OPRM1: variants seen among roughly 807,000 people sequenced by gnomAD.
OPRM1 encodes the protein mu-type opioid receptor.
OPRM1 carries 27 observed loss-of-function variants against 31.8 expected under a neutral mutation model. That is an observed-to-expected ratio of 0.85 (90% CI 0.63 to 1.17). The LOEUF is 1.17. OPRM1 is among the 50% of genes most tolerant of loss of function. OPRM1 has a pLI of 0.00. For missense variants in OPRM1, 536 were observed against 511.1 expected, an observed-to-expected ratio of 1.05 and a Z score of -0.47; for synonymous variants, 196 against 189.9, an observed-to-expected ratio of 1.03 and a Z score of -0.26.
At chr6:154,143,612 C>G (rs1798277738) in intron 3 of OPRM1, among the ~76,000 whole-genome samples, 1 of 152,104 alleles carries the variant, frequency 6.6e-6, no homozygotes, top group African/African-American at 2.4e-5. Flanking sequence ...CTCCAAAAGT[C>G]CCCATGTTAA....
At chr6:154,152,983 C>G (rs1456008123) in intron 3 of OPRM1, among the ~76,000 whole-genome samples, 1 of 152,046 alleles carries the variant, frequency 6.6e-6, no homozygotes, top group Admixed American at 6.5e-5. Flanking sequence ...AAGCAATCCT[C>G]CCGCCTCAGC....
At chr6:154,152,092 G>T (rs1798513774) in intron 3 of OPRM1, among the ~76,000 whole-genome samples, 1 of 149,972 alleles carries the variant, frequency 6.7e-6, no homozygotes, top group Admixed American at 6.7e-5. Flanking sequence ...AACAAGAATT[G>T]CTTGACCCTG....
chr6:154,039,590 G>C lies in OPRM1; in HGVS notation c.46G>C (p.Ala16Pro). The change falls in exon 1 of 4, where the codon GCC (alanine) becomes CCC (proline). Residue 16 changes from alanine to proline, a missense_variant. Coordinates refer to ENST00000330432, the MANE Select transcript of OPRM1 (RefSeq NM_000914.5). ...CACGAACGCCAGCAATTGCACTGAT[G>C]CCTTGGCGTACTCAAGTTGCTCCCC... Reference protein sequence around the residue: ...APTNASNCTDALAYSSCSPAP... With the variant: ...APTNASNCTDPLAYSSCSPAP... The C allele has an allele frequency of 6.2e-7, 1 of 1,613,870 alleles. No homozygotes were observed. Among genetic ancestry groups the C allele is most frequent in the Non-Finnish European group, 8.5e-7 (1 of 1,179,890 alleles).
At chr6:154,209,947 G>C (rs1270389869) in intron 3 of OPRM1, among the ~76,000 whole-genome samples, 2 of 152,144 alleles carry the variant, frequency 1.3e-5, no homozygotes, top group Non-Finnish European at 2.9e-5. Context: ...ACATTTGATT[G>C]ATGATTCAAA....
chr6:154,099,433 G>A, intron 3 of OPRM1, among the ~76,000 whole-genome samples: 1 of 127,302 alleles, frequency 7.9e-6, no homozygotes. Flanking sequence ...AAAGAAAGAG[G>A]GAGGGAGGAA....
Position 154,168,055 on chromosome 6 carries a change from T to C in OPRM1, c.1164+76583T>C, listed in dbSNP as rs1799574094. 2 of 1,608,980 alleles carry C rather than the reference T, an allele frequency of 1.2e-6. No individual in the cohort carries two copies. Among genetic ancestry groups the C allele is most frequent in the African/African-American group, 1.3e-5 (1 of 74,844 alleles). On this transcript the variant is annotated intron_variant, in intron 3 of 3. Coordinates refer to the OPRM1 transcript ENST00000337049. The surrounding 1 kb of genome is among the most constrained non-coding windows in gnomAD (Gnocchi z 4.1). ...GGTCCCCAAGAGGAGATAGACTAGC[T>C]TGCTCTAATGATTTGTACAGCTTCT...
At chr6:154,136,117 G>A (rs748400548), downstream of OPRM1, among the ~76,000 whole-genome samples, 1 of 152,166 alleles carries the variant, frequency 6.6e-6, no homozygotes, top group African/African-American at 2.4e-5. Flanking sequence ...AGTCCTGGGT[G>A]ATCACAGGGA....
At chr6:154,152,385 A>AG (rs1491133053) in intron 3 of OPRM1, among the ~76,000 whole-genome samples, 2 of 146,858 alleles carry the variant, frequency 1.4e-5, no homozygotes, top group Non-Finnish European at 3.0e-5. Context: ...AGAAAGAAAG[A>AG]AAGAAAGAGA....
chr6:154,113,223 G>A (rs1796527239), intron 3 of OPRM1, among the ~76,000 whole-genome samples: 2 of 152,142 alleles, frequency 1.3e-5, no homozygotes, highest in Admixed American at 1.3e-4. Context: ...ATAGGTTCCT[G>A]GCCTGTCTCT....
rs1299045018 is a variant in OPRM1, at chr6:154,120,235, T to C, written c.*1514T>C. Reference sequence around the variant, plus strand: ...TGTAAAATTTGTATTTTTTCATCAATCTGACAAGGCACAAATATGTGCCAG... The same window carrying C: ...TGTAAAATTTGTATTTTTTCATCAACCTGACAAGGCACAAATATGTGCCAG... On this transcript the variant is annotated 3_prime_UTR_variant, in exon 4 of 4. Transcript: ENST00000330432. 6.6e-6 allele frequency among the ~76,000 whole-genome samples: 1 copy of C among 152,174 alleles called. No homozygotes were observed. Among genetic ancestry groups the C allele is most frequent in the Non-Finnish European group, 1.5e-5 (1 of 68,014 alleles).
At chr6:154,097,835 A>T (rs1273242163) in intron 3 of OPRM1, among the ~76,000 whole-genome samples, 1 of 152,120 alleles carries the variant, frequency 6.6e-6, no homozygotes, top group Non-Finnish European at 1.5e-5. Flanking sequence ...CTGGGATGGG[A>T]TATCTTATTT....
At chr6:154,111,651 T>A (rs1796369880) in intron 3 of OPRM1, among the ~76,000 whole-genome samples, 4 of 152,210 alleles carry the variant, frequency 2.6e-5, no homozygotes, top group Admixed American at 2.6e-4. Flanking sequence ...CAGCTTCCAT[T>A]TGAACCTTAA....
chr6:154,084,917 AACACACAC>A (rs71669485), intron 1 of OPRM1, among the ~76,000 whole-genome samples: 52 of 146,490 alleles, frequency 3.5e-4, no homozygotes, highest in Middle Eastern at 3.6e-3. Context: ...TGTGGAATTA[AACACACAC>A]ACACACACAC....
chr6:154,210,510 AC>A (rs1463019902), intron 3 of OPRM1, among the ~76,000 whole-genome samples: 5 of 152,314 alleles, frequency 3.3e-5, no homozygotes, highest in African/African-American at 1.2e-4. Flanking sequence ...TTTTTTGAAG[AC>A]CTATTCAATA....
intron 1 of OPRM1, among the ~76,000 whole-genome samples, chr6:154,021,832 C>A (rs1020097708): frequency 6.6e-6 from 1 of 151,978 alleles, no homozygotes; most frequent in African/African-American, 2.4e-5. Context: ...CTTATTAGCT[C>A]CAGGAGGGTT....
chr6:154,019,971 T>C (rs576791396), intron 1 of OPRM1, among the ~76,000 whole-genome samples: 2 of 152,230 alleles, frequency 1.3e-5, no homozygotes, highest in South Asian at 4.1e-4. Context: ...TGGGAGCAAG[T>C]GATCCATCCA....
intron 3 of OPRM1, among the ~76,000 whole-genome samples, chr6:154,102,918 C>CAAAAAAAAAA (rs58694186): frequency 1.2e-5 from 1 of 80,798 alleles, no homozygotes. Context: ...TAACCAGTTG[C>CAAAAAAAAAA]AAAAAAAAAA....
rs1420939105 is a variant in OPRM1 at position 154,130,843 on chromosome 6, T to C, written c.*12122T>C. Among the ~76,000 whole-genome samples, 1 of 152,120 alleles carries C rather than the reference T, an allele frequency of 6.6e-6. No individual in the cohort carries two copies. Among genetic ancestry groups the C allele is most frequent in the East Asian group, 1.9e-4 (1 of 5,202 alleles). On this transcript the variant is annotated 3_prime_UTR_variant, in exon 4 of 4. Coordinates refer to ENST00000330432, the MANE Select transcript of OPRM1 (RefSeq NM_000914.5). ...TTAAAGAAAAAATGCCTGTTTTCAC[T>C]AAGTCATCCTTCCCCTGGCAATACA...
rs1291073864 is a variant in OPRM1, at chr6:154,212,982, G to GAACTACCTGGT, written c.1165-33699_1165-33689dup. ...CCAATTCAGAAAGTTCATATCTAAT[G>GAACTACCTGGT]AACTACCTGGTAACTACCTGGTGCA... On this transcript the variant is annotated intron_variant, in intron 3 of 3. Coordinates refer to the OPRM1 transcript ENST00000337049. 4 of 689,446 alleles carry GAACTACCTGGT rather than the reference G, an allele frequency of 5.8e-6. No homozygotes were observed. The East Asian group carries it at 1.1e-4, about 19-fold the overall frequency. The allele number at this position is 689,446 out of a possible 1,614,324, so 42.7% of individuals were successfully genotyped here. A position where few individuals can be genotyped will look rare whatever the true frequency, so the allele number is the denominator to read the frequency against.
Sources: allele counts gnomAD v4.1 joint callset (sites outside exome capture counted in the v4.1 genomes callset), GRCh38; gene constraint gnomAD v4.1.1; non-coding constraint Gnocchi (gnomAD v3.1); transcripts MANE v1.5; gene names NCBI Gene and HGNC (gene_info 2026-07-23, HGNC 2026-07-21).